Variants in MYO5B observed in about 807,000 individuals in gnomAD.
The protein encoded by MYO5B is unconventional myosin-Vb.
MYO5B carries 143 observed loss-of-function variants against 229.3 expected under a neutral mutation model. The observed-to-expected ratio is 0.62, with a 90% CI of 0.54 to 0.72. MYO5B has a LOEUF of 0.72. Among genes scored for constraint, MYO5B ranks in the 30% least tolerant of loss-of-function variants. MYO5B has a pLI of 0.00. For synonymous variants in MYO5B, 918 were observed against 885.2 expected (o/e 1.04, Z -0.66); for missense variants, 2,321 against 2,331.0 (o/e 1.00, Z 0.09).
chr18:50,036,827 T>C (rs2026453253), intron 4 of MYO5B, 23 bp downstream of exon 4: 1 of 1,613,750 alleles, frequency 6.2e-7, no homozygotes, highest in Non-Finnish European at 8.5e-7. Flanking sequence ...TCAGGAGGAC[T>C]TCTGGGCTGA....
Position 49,902,782 on chromosome 18 carries a change from T to C in MYO5B, c.2623A>G (p.Met875Val), listed in dbSNP as rs769234974. Residue 875 changes from methionine (M) to valine (V), a missense_variant, in exon 21 of 40, where the codon ATG (methionine) becomes GTG (valine). By Grantham distance (21) the Met-to-Val change is conservative (BLOSUM62 1). Coordinates refer to ENST00000285039, the MANE Select transcript of MYO5B (RefSeq NM_001080467.3). ...AGCCGCTGGAAGTGCCTGCGTGCCA[T>C]CCAGCCCCGCACGTGCTTCTGGATG... ...TTIQKHVRGW[M>V]ARRHFQRLRD... The C allele has an allele frequency of 1.4e-5, 22 of 1,603,894 alleles. No individual in the cohort carries two copies. The highest frequency in any genetic ancestry group is 1.5e-5 in the Non-Finnish European group (18 of 1,179,962).
At chr18:50,115,368 C>T (rs918296970) in intron 1 of MYO5B, among the ~76,000 whole-genome samples, 6 of 152,208 alleles carry the variant, frequency 3.9e-5, no homozygotes, top group African/African-American at 1.4e-4. Context: ...GGCTAGACTT[C>T]ACTAGCCTTA....
intron 1 of MYO5B, among the ~76,000 whole-genome samples, chr18:50,147,776 A>G (rs2032528812): frequency 6.6e-6 from 1 of 152,058 alleles, no homozygotes; most frequent in Admixed American, 6.6e-5. Flanking sequence ...GTGCCTGCAC[A>G]CTCCCTAAAC....
intron 4 of MYO5B, among the ~76,000 whole-genome samples, chr18:50,022,385 T>C (rs1052272152): frequency 1.3e-5 from 2 of 152,232 alleles, no homozygotes; most frequent in Admixed American, 1.3e-4. Context: ...ATTACACATA[T>C]CAAAGCAGGG....
intron 21 of MYO5B, among the ~76,000 whole-genome samples, chr18:49,895,949 G>A (rs947126301): frequency 6.6e-6 from 1 of 152,190 alleles, no homozygotes; most frequent in Non-Finnish European, 1.5e-5. Flanking sequence ...GGTCAGTGAG[G>A]AAAGTGGAGA....
intron 17 of MYO5B, among the ~76,000 whole-genome samples, chr18:49,924,381 A>G: frequency 6.6e-6 from 1 of 152,310 alleles, no homozygotes; most frequent in South Asian, 2.1e-4. Flanking sequence ...TTTTAAGGAT[A>G]GGGAAACCTA....
At chr18:49,966,434 T>A (rs1303425317) in intron 10 of MYO5B, among the ~76,000 whole-genome samples, 1 of 152,150 alleles carries the variant, frequency 6.6e-6, no homozygotes, top group South Asian at 2.1e-4. Flanking sequence ...TTGGGGCCCT[T>A]CCAGCCCAGA....
intron 14 of MYO5B, among the ~76,000 whole-genome samples, chr18:49,951,893 T>C (rs1022043783): frequency 6.6e-6 from 1 of 152,092 alleles, no homozygotes; most frequent in Non-Finnish European, 1.5e-5. Flanking sequence ...ACCATCCTCA[T>C]GAAAAAATGG....
chr18:50,043,101 G>T (rs548142849), intron 2 of MYO5B, among the ~76,000 whole-genome samples: 8 of 151,136 alleles, frequency 5.3e-5, no homozygotes, highest in Admixed American at 2.7e-4. Flanking sequence ...CAGAGGAAAA[G>T]AAGTCATTAC....
chr18:50,185,028 T>A (rs573346417), intron 1 of MYO5B, among the ~76,000 whole-genome samples: 1 of 151,932 alleles, frequency 6.6e-6, no homozygotes, highest in Non-Finnish European at 1.5e-5. Context: ...TGAGCCATGA[T>A]TGCACCACCA....
At chr18:49,973,480 T>C (rs923827821) in intron 10 of MYO5B, among the ~76,000 whole-genome samples, 4 of 152,234 alleles carry the variant, frequency 2.6e-5, no homozygotes, top group Non-Finnish European at 5.9e-5. Context: ...TCTGAATTTC[T>C]ATTTTAAGAT....
At chr18:49,901,467 T>C (rs1469208738) in intron 21 of MYO5B, among the ~76,000 whole-genome samples, 2 of 152,200 alleles carry the variant, frequency 1.3e-5, no homozygotes, top group Admixed American at 6.5e-5. Flanking sequence ...TTGGCTGACA[T>C]GGGAAGGTGG....
intron 17 of MYO5B, among the ~76,000 whole-genome samples, chr18:49,915,900 C>A (rs1283221141): frequency 1.3e-5 from 2 of 152,182 alleles, no homozygotes; most frequent in Non-Finnish European, 2.9e-5. Context: ...AGACACTTAT[C>A]TTGGGGTAAG....
chr18:49,953,148 C>T, intron 14 of MYO5B, 112 bp downstream of exon 14: 1 of 1,005,610 alleles, frequency 9.9e-7, no homozygotes, highest in South Asian at 1.3e-5. Context: ...CGTTGGCCTC[C>T]TCCCTGCCCA....
At position 49,875,960 on chromosome 18, in the gene MYO5B, A is replaced by G. The variant is rs1411721322; in HGVS notation, c.3397-133T>C. The G allele has an allele frequency of 4.7e-6, 5 of 1,068,394 alleles. No homozygotes were observed. The African/African-American group carries it at 7.8e-5, about 17-fold the overall frequency. The allele number at this position is 1,068,394 out of a possible 1,614,324, so 66.2% of individuals were successfully genotyped here. Reference sequence around the variant, plus strand: ...CTCCCAAACATCAATTTGCATCTCAAATACAAAGCCAATGACAACCAACTA... The same window carrying G: ...CTCCCAAACATCAATTTGCATCTCAGATACAAAGCCAATGACAACCAACTA... On this transcript the variant is annotated intron_variant, in intron 25 of 39. Coordinates refer to ENST00000285039, the MANE Select transcript of MYO5B (RefSeq NM_001080467.3).
intron 16 of MYO5B, among the ~76,000 whole-genome samples, chr18:49,931,684 G>A (rs749414666): frequency 1.3e-5 from 2 of 152,148 alleles, no homozygotes; most frequent in African/African-American, 4.8e-5. Context: ...ATTACCAGGG[G>A]CGGCAATGAC....
Position 49,906,641 on chromosome 18 carries a change from T to C in MYO5B, c.2203-11A>G. 1 of 1,609,906 alleles carries C rather than the reference T, an allele frequency of 6.2e-7. No individual in the cohort carries two copies. The highest frequency in any genetic ancestry group is 8.5e-7 in the Non-Finnish European group (1 of 1,176,492). On this transcript the variant is annotated splice_polypyrimidine_tract_variant and intron_variant, in intron 18 of 39. Coordinates refer to ENST00000285039, the MANE Select transcript of MYO5B (RefSeq NM_001080467.3). ...GAACTTGTCGGGGTCCTTTACAAGG[T>C]AGGGAGGGGATCTGGTTGGTCACCA...
chr18:50,105,725 G>A (rs577104348), intron 1 of MYO5B, among the ~76,000 whole-genome samples: 1 of 151,934 alleles, frequency 6.6e-6, no homozygotes, highest in East Asian at 1.9e-4. Context: ...AAAAGGTTAA[G>A]AAAACCACTG....
At chr18:49,966,108 G>A (rs1342007569) in intron 10 of MYO5B, among the ~76,000 whole-genome samples, 1 of 152,124 alleles carries the variant, frequency 6.6e-6, no homozygotes, top group Non-Finnish European at 1.5e-5. Flanking sequence ...CCTGTGCAGA[G>A]GGAACACCAC....
Sources: allele counts gnomAD v4.1 joint callset (sites outside exome capture counted in the v4.1 genomes callset), GRCh38; gene constraint gnomAD v4.1.1; transcripts MANE v1.5; gene names NCBI Gene and HGNC (gene_info 2026-07-23, HGNC 2026-07-21).